Variants in PARD3 observed in about 807,000 individuals in gnomAD.
PARD3 encodes the protein par-3 family cell polarity regulator.
In PARD3, 75 loss-of-function variants were observed where a neutral mutation model predicts 155.4. That is an observed-to-expected ratio of 0.48 (90% CI 0.40 to 0.58). The LOEUF (loss-of-function observed/expected upper bound fraction) is 0.58. Ranked by LOEUF, PARD3 falls within the 20% of genes least tolerant of loss-of-function variation. The pLI is 0.00. For synonymous variants in PARD3, 576 were observed against 610.5 expected (o/e 0.94, Z 0.83); for missense variants, 1,642 against 1,721.7 (o/e 0.95, Z 0.82).
chr10:34,398,388 G>C (rs1843552653), intron 7 of PARD3, among the ~76,000 whole-genome samples: 1 of 152,098 alleles, frequency 6.6e-6, no homozygotes, highest in South Asian at 2.1e-4. Context: ...TACGGTCTCA[G>C]TCACTGCTAT....
chr10:34,318,133 C>T (rs1355777298), intron 19 of PARD3, among the ~76,000 whole-genome samples: 2 of 152,170 alleles, frequency 1.3e-5, no homozygotes, highest in African/African-American at 4.8e-5. Context: ...ACTTCGTAAG[C>T]ACATGGTCCA....
chr10:34,436,950 T>C (rs2076219506), intron 5 of PARD3, among the ~76,000 whole-genome samples: 1 of 152,188 alleles, frequency 6.6e-6, no homozygotes, highest in Non-Finnish European at 1.5e-5. Flanking sequence ...TGTGGCTGAA[T>C]ACGGGGAGGA....
intron 2 of PARD3, among the ~76,000 whole-genome samples, chr10:34,624,436 A>C (rs2091877428): frequency 6.6e-6 from 1 of 152,252 alleles, no homozygotes; most frequent in Admixed American, 6.5e-5. Flanking sequence ...TTCTGCTCAA[A>C]GCCACAGAAT....
chr10:34,527,830 A>C (rs7086954), intron 2 of PARD3, among the ~76,000 whole-genome samples: 78,669 of 152,050 alleles, frequency 0.52, 23,856 homozygotes, highest in African/African-American at 0.86. Flanking sequence ...CCCAGGGGCA[A>C]AGATGAAAAA....
At chr10:34,688,478 T>C (rs1161442364) in intron 2 of PARD3, among the ~76,000 whole-genome samples, 3 of 152,240 alleles carry the variant, frequency 2.0e-5, no homozygotes. Flanking sequence ...GTTTCAGTTT[T>C]TCCTAATTTG....
chr10:34,217,894 T>C (rs1952081727), intron 22 of PARD3, among the ~76,000 whole-genome samples: 1 of 152,122 alleles, frequency 6.6e-6, no homozygotes, highest in Admixed American at 6.6e-5. Flanking sequence ...TAGTTTCAGA[T>C]ATTGACGGAT....
Position 34,606,016 on chromosome 10 carries a change from ATATCTATATCTCC to A in PARD3, c.223-88870_223-88858del, listed in dbSNP as rs1353723280. ...TATCTCCTATATATATATATCTCCT[ATATCTATATCTCC>A]TATATATATATATCTTCTATATATA... On this transcript the variant is annotated intron_variant, in intron 2 of 24. Coordinates refer to ENST00000374788, the MANE Select transcript of PARD3 (RefSeq NM_001184785.2). Among the ~76,000 whole-genome samples the A allele has an allele frequency of 1.0e-3, 128 of 124,714 alleles. 2 individuals are homozygous for A. Among genetic ancestry groups the A allele is most frequent in the Admixed American group, 2.0e-3 (22 of 11,214 alleles). The allele number at this position is 124,714 out of a possible 152,430, so 81.8% of individuals were successfully genotyped here.
chr10:34,462,173 T>C (rs1352358819), intron 4 of PARD3, among the ~76,000 whole-genome samples: 2 of 152,220 alleles, frequency 1.3e-5, no homozygotes, highest in Non-Finnish European at 2.9e-5. Flanking sequence ...TAGTTTAAAG[T>C]CTGTTCTCAG....
chr10:34,633,837 T>C (rs1450206793), intron 2 of PARD3, among the ~76,000 whole-genome samples: 1 of 152,198 alleles, frequency 6.6e-6, no homozygotes, highest in Non-Finnish European at 1.5e-5. Context: ...CTCACAATAC[T>C]GGTCATTTTG....
At chr10:34,261,782 AAAGAAAGAAAGAAAGAAAG>A (rs1955007726) in intron 22 of PARD3, among the ~76,000 whole-genome samples, 1 of 13,494 alleles carries the variant, frequency 7.4e-5, no homozygotes, top group Non-Finnish European at 2.5e-4. Flanking sequence ...GAAAGAAAGA[AAAGAAAGAAAGAAAGAAAG>A]AAAGAAAGAA....
chr10:34,348,689 T>A (rs1330624363), intron 14 of PARD3, among the ~76,000 whole-genome samples: 1 of 152,212 alleles, frequency 6.6e-6, no homozygotes, highest in East Asian at 1.9e-4. Context: ...TTAAGAATAA[T>A]CATGGTATTA....
chr10:34,359,308 G>C lies in PARD3; in HGVS notation c.1906C>G (p.Leu636Val). 1.9e-6 allele frequency: 3 copies of C among 1,613,104 alleles called. No homozygotes were observed. Among genetic ancestry groups the C allele is most frequent in the Non-Finnish European group, 2.5e-6 (3 of 1,179,512 alleles). Reference protein sequence around the residue: ...NGGAASKDGRLRVNDQLIAVN... With the variant: ...NGGAASKDGRVRVNDQLIAVN... ...GCTATCAGTTGATCATTCACCCGAA[G>C]CCTTCCATCCTGGGAAGAAAACAGG... is the stretch of plus-strand genomic sequence containing the variant. The change falls in exon 14 of 25, where the codon CTT becomes GTT. Residue 636 changes from leucine (L) to valine (V), a missense_variant. By Grantham distance (32) the Leu-to-Val change is conservative (BLOSUM62 1). This residue lies in a region of PARD3 where 1,529 missense variants were observed against 1,587.3 expected (regional missense o/e 0.96). Transcript: ENST00000374788.
intron 1 of PARD3, among the ~76,000 whole-genome samples, chr10:34,730,675 T>C (rs1829829669): frequency 6.6e-6 from 1 of 152,162 alleles, no homozygotes; most frequent in South Asian, 2.1e-4. Context: ...GTCCTACCTG[T>C]ACTGGATAGG....
chr10:34,482,328 G>A (rs963743677), intron 3 of PARD3, among the ~76,000 whole-genome samples: 2 of 151,788 alleles, frequency 1.3e-5, no homozygotes, highest in Non-Finnish European at 2.9e-5. Context: ...CATCATGCCC[G>A]ACCTGGCTAA....
chr10:34,547,497 G>C (rs2084179346), intron 2 of PARD3, among the ~76,000 whole-genome samples: 2 of 152,202 alleles, frequency 1.3e-5, no homozygotes, highest in African/African-American at 4.8e-5. Flanking sequence ...TCATTGCCAA[G>C]AACTCGTCGA....
At chr10:34,504,564 C>G (rs1168227410) in intron 3 of PARD3, among the ~76,000 whole-genome samples, 1 of 151,722 alleles carries the variant, frequency 6.6e-6, no homozygotes, top group Non-Finnish European at 1.5e-5. Flanking sequence ...AATTAATAAA[C>G]TGATTTAGAC....
At chr10:34,154,236 C>A (rs1264306887) in intron 22 of PARD3, among the ~76,000 whole-genome samples, 1 of 152,056 alleles carries the variant, frequency 6.6e-6, no homozygotes, top group Non-Finnish European at 1.5e-5. Context: ...TGAGGATGGC[C>A]TGTGAGACTG....
At chr10:34,198,542 A>T (rs1951061730) in intron 22 of PARD3, among the ~76,000 whole-genome samples, 1 of 151,778 alleles carries the variant, frequency 6.6e-6, no homozygotes, top group Non-Finnish European at 1.5e-5. Flanking sequence ...AGAAGATGTC[A>T]GTGGGTAGTG....
intron 3 of PARD3, among the ~76,000 whole-genome samples, chr10:34,499,482 T>A (rs1272191395): frequency 6.6e-6 from 1 of 152,068 alleles, no homozygotes; most frequent in Non-Finnish European, 1.5e-5. Flanking sequence ...TTGGAGAATG[T>A]ATACAAATTG....
Sources: gnomAD v4.1 joint callset for allele counts (sites outside exome capture counted in the v4.1 genomes callset) on GRCh38, gnomAD v4.1.1 for gene constraint, gnomAD v4.1.1 regional missense constraint, MANE v1.5 for transcripts, NCBI Gene and HGNC (gene_info 2026-07-23, HGNC 2026-07-21) for gene names.